Variants in SYAP1 observed in about 807,000 individuals in gnomAD.
SYAP1 encodes the protein synapse associated protein 1, also known as synapse-associated protein 1.
A neutral mutation model predicts 29.6 loss-of-function variants in SYAP1; 3 were observed. The observed-to-expected ratio is 0.10, with a 90% CI of 0.05 to 0.26. SYAP1 has a LOEUF of 0.26. SYAP1 is among the 10% of genes least tolerant of loss of function. The probability of loss-of-function intolerance (pLI) is 1.00; values close to 1 mark genes in which losing one functional copy is unlikely to be tolerated. For missense variants in SYAP1, 217 were observed against 264.1 expected, an observed-to-expected ratio of 0.82 and a Z score of 1.24; for synonymous variants, 102 against 102.7, an observed-to-expected ratio of 0.99 and a Z score of 0.04.
chrX:16,739,526 G>GAGTGC (rs1157401678), intron 3 of SYAP1, among the ~76,000 whole-genome samples: 2 of 95,932 alleles, frequency 2.1e-5, no homozygotes, highest in Non-Finnish European at 4.0e-5. Context: ...GCCCAGGCTG[G>GAGTGC]AGTGCAGTGG....
intron 2 of SYAP1, 76 bp from the exon 3 acceptor site, chrX:16,736,090 T>TA (rs760676241): frequency 1.9e-5 from 12 of 642,108 alleles, no homozygotes; most frequent in Non-Finnish European, 2.5e-5. Flanking sequence ...TGTTGGTAGA[T>TA]ATTTGAACTA....
At chrX:16,732,956 G>A (rs1926241719) in intron 1 of SYAP1, among the ~76,000 whole-genome samples, 1 of 111,852 alleles carries the variant, frequency 8.9e-6, no homozygotes, top group African/African-American at 3.3e-5. Context: ...TGTTGATCAG[G>A]CAACAGTCTT....
intron 5 of SYAP1, among the ~76,000 whole-genome samples, chrX:16,752,233 T>TC (rs1008783330): frequency 6.4e-5 from 7 of 108,957 alleles, no homozygotes; most frequent in African/African-American, 2.3e-4. Flanking sequence ...TGCCTTGGCC[T>TC]CCCAAAGGCA....
intron 1 of SYAP1, 59 bp downstream of exon 1, chrX:16,719,958 G>A (rs1925922602): frequency 1.8e-6 from 2 of 1,099,270 alleles, no homozygotes; most frequent in Non-Finnish European, 2.4e-6. Context: ...CTCTGGGACG[G>A]CCCTGGGGCG....
rs757036575 is a variant in SYAP1, at chrX:16,759,684, G to A, written c.932-548G>A. ...ATGTGGTTCCATCCTTATATCTGTCGCTGTCAAACGGTGTGATCTTGGGCA... is the reference window on the plus strand; with the variant it reads ...ATGTGGTTCCATCCTTATATCTGTCACTGTCAAACGGTGTGATCTTGGGCA... On this transcript the variant is annotated intron_variant, in intron 8 of 8. Transcript: ENST00000380155. 1.7e-4 allele frequency among the ~76,000 whole-genome samples: 19 copies of A among 111,762 alleles called. No individual in the cohort carries two copies. In the Middle Eastern group the frequency reaches 0.018, roughly 108 times the overall value.
At chrX:16,731,261 A>G (rs1192594083) in intron 1 of SYAP1, among the ~76,000 whole-genome samples, 4 of 112,153 alleles carry the variant, frequency 3.6e-5, no homozygotes, top group African/African-American at 1.3e-4. Context: ...TTTAGATTCA[A>G]AATTATGACA....
intron 4 of SYAP1, among the ~76,000 whole-genome samples, chrX:16,742,603 ATTTGTTTTGT>A (rs767250262): frequency 1.8e-5 from 2 of 110,414 alleles, no homozygotes; most frequent in Non-Finnish European, 3.8e-5. Flanking sequence ...TTTTAATTTA[ATTTGTTTTGT>A]TTTGTTTTGT....
At chrX:16,727,933 T>A (rs1367548120) in intron 1 of SYAP1, among the ~76,000 whole-genome samples, 2 of 112,384 alleles carry the variant, frequency 1.8e-5, no homozygotes, top group Non-Finnish European at 3.7e-5. Flanking sequence ...TTTTTCCAGT[T>A]GTGTCCTGTT....
intron 8 of SYAP1, among the ~76,000 whole-genome samples, chrX:16,757,932 A>AATAATAATAATAAG (rs1926888301): frequency 9.3e-6 from 1 of 107,978 alleles, no homozygotes; most frequent in African/African-American, 3.5e-5. Flanking sequence ...ATAATAATAA[A>AATAATAATAATAAG]TTTTTAAAAG....
intron 8 of SYAP1, 108 bp downstream of exon 8, chrX:16,757,417 A>C: frequency 1.1e-6 from 1 of 913,372 alleles, no homozygotes; most frequent in Non-Finnish European, 1.5e-6. Context: ...TGTGTTGTAA[A>C]TTTTGCATCA....
At chrX:16,721,866 C>T (rs965805594) in intron 1 of SYAP1, among the ~76,000 whole-genome samples, 4 of 111,621 alleles carry the variant, frequency 3.6e-5, no homozygotes, top group Non-Finnish European at 7.5e-5. Flanking sequence ...CTGCATTTTT[C>T]ATATGGATGT....
intron 7 of SYAP1, 72 bp from the exon 8 acceptor site, chrX:16,757,090 G>A: frequency 8.8e-7 from 1 of 1,133,498 alleles, no homozygotes; most frequent in Non-Finnish European, 1.2e-6. Flanking sequence ...TAAATTGTGA[G>A]ACAATAGCAA....
chrX:16,722,664 T>C (rs1925991399), intron 1 of SYAP1, among the ~76,000 whole-genome samples: 1 of 111,613 alleles, frequency 9.0e-6, no homozygotes, highest in Non-Finnish European at 1.9e-5. Flanking sequence ...ACTCACCAGT[T>C]AGTGGTGGAC....
At chrX:16,739,476 C>CT (rs760754281) in intron 3 of SYAP1, among the ~76,000 whole-genome samples, 7,238 of 81,411 alleles carry the variant, frequency 0.089, 479 homozygotes, top group Middle Eastern at 0.13. Context: ...CTCTCTCTCT[C>CT]TTTTTTTTTT....
Position 16,732,805 on chromosome X carries a change from T to A in SYAP1, c.176-2422T>A, listed in dbSNP as rs1352018489. Among the ~76,000 whole-genome samples, 5 of 112,134 alleles carry A rather than the reference T, an allele frequency of 4.5e-5. No homozygotes were observed. The East Asian group carries it at 8.4e-4, about 19-fold the overall frequency. ...ACTCCCCATTCATCCATTCAACAAG[T>A]ACGTACTGGTCACTGGTCATCCGCT... On this transcript the variant is annotated intron_variant, in intron 1 of 8. Coordinates refer to ENST00000380155, the MANE Select transcript of SYAP1 (RefSeq NM_032796.4).
intron 1 of SYAP1, among the ~76,000 whole-genome samples, chrX:16,729,602 C>G (rs900619793): frequency 9.2e-6 from 1 of 108,933 alleles, no homozygotes; most frequent in Admixed American, 9.9e-5. Context: ...TCTCCTGTCT[C>G]AGCCTCCCAA....
At chrX:16,728,903 G>A (rs1926140030) in intron 1 of SYAP1, among the ~76,000 whole-genome samples, 1 of 104,256 alleles carries the variant, frequency 9.6e-6, no homozygotes, top group African/African-American at 3.5e-5. Flanking sequence ...GCCAGGCATG[G>A]TGGTGCACAC....
At chrX:16,759,466 A>G (rs1342079965) in intron 8 of SYAP1, among the ~76,000 whole-genome samples, 1 of 111,976 alleles carries the variant, frequency 8.9e-6, no homozygotes, top group Non-Finnish European at 1.9e-5. Context: ...GCATTATCCT[A>G]CACACACAGA....
chrX:16,742,143 G>GTTTTTTTTTTCTTTTTT (rs1926475200), intron 4 of SYAP1, among the ~76,000 whole-genome samples: 1 of 41,872 alleles, frequency 2.4e-5, no homozygotes, highest in African/African-American at 1.3e-4. Context: ...TTTTTGTGTG[G>GTTTTTTTTTTCTTTTTT]TTTTTTTTTT....
Sources: allele counts gnomAD v4.1 joint callset (sites outside exome capture counted in the v4.1 genomes callset), GRCh38; gene constraint gnomAD v4.1.1; transcripts MANE v1.5; gene names NCBI Gene and HGNC (gene_info 2026-07-23, HGNC 2026-07-21).